Variants in CADPS2 observed in about 807,000 individuals in gnomAD.
CADPS2 encodes calcium dependent secretion activator 2.
Under a neutral mutation model 172.5 loss-of-function variants are expected in CADPS2, and 93 were observed. The observed-to-expected ratio is 0.54, with a 90% CI of 0.46 to 0.64. CADPS2 has a LOEUF of 0.64. Among genes scored for constraint, CADPS2 ranks in the 30% least tolerant of loss-of-function variants. The pLI, the probability that CADPS2 is intolerant of heterozygous loss-of-function variation, is 0.00. For missense variants in CADPS2, 1,420 were observed against 1,565.9 expected (o/e 0.91, Z 1.57); for synonymous variants, 546 against 555.2 (o/e 0.98, Z 0.23).
At chr7:122,433,036 C>T (rs1435629063) in intron 17 of CADPS2, among the ~76,000 whole-genome samples, 1 of 152,128 alleles carries the variant, frequency 6.6e-6, no homozygotes, top group Non-Finnish European at 1.5e-5. Context: ...TGCAGTGGCA[C>T]AATCATGGCT....
At chr7:122,746,633 A>G (rs992176425) in intron 1 of CADPS2, among the ~76,000 whole-genome samples, 3 of 45,514 alleles carry the variant, frequency 6.6e-5, no homozygotes, top group African/African-American at 3.2e-4. Context: ...ACACAGACAC[A>G]CACACACAGA....
intron 9 of CADPS2, among the ~76,000 whole-genome samples, chr7:122,512,061 C>G (rs947461324): frequency 6.6e-6 from 1 of 151,898 alleles, no homozygotes; most frequent in Non-Finnish European, 1.5e-5. Context: ...ACTATTAGTT[C>G]TAATCATGTA....
chr7:122,509,615 ATC>A (rs1281977946), intron 9 of CADPS2, among the ~76,000 whole-genome samples: 8 of 152,186 alleles, frequency 5.3e-5, no homozygotes, highest in Admixed American at 5.2e-4. Flanking sequence ...TTAATCACAT[ATC>A]TGTTTGTCTT....
intron 28 of CADPS2, among the ~76,000 whole-genome samples, chr7:122,343,808 A>C (rs1426018028): frequency 6.6e-6 from 1 of 152,222 alleles, no homozygotes; most frequent in Non-Finnish European, 1.5e-5. Context: ...GAAAAAGTAA[A>C]AGAGAACTTG....
At chr7:122,345,762 AT>A (rs1361786626) in intron 27 of CADPS2, 81 bp from the exon 28 acceptor site, 16 of 922,882 alleles carry the variant, frequency 1.7e-5, no homozygotes, top group Non-Finnish European at 3.3e-6. Flanking sequence ...ACCCTGAAAA[AT>A]AATTTTGAAA....
chr7:122,845,163 C>A (rs1463318442), intron 1 of CADPS2, among the ~76,000 whole-genome samples: 1 of 152,108 alleles, frequency 6.6e-6, no homozygotes, highest in South Asian at 2.1e-4. Flanking sequence ...CATAAAAGAT[C>A]TGAAGTAATA....
intron 1 of CADPS2, among the ~76,000 whole-genome samples, chr7:122,798,343 A>C (rs1381460822): frequency 1.3e-5 from 2 of 152,156 alleles, no homozygotes; most frequent in Non-Finnish European, 2.9e-5. Context: ...GAATGTTCAA[A>C]ATAAGTGTAT....
At chr7:122,487,373 T>G (rs1563481472) in intron 11 of CADPS2, among the ~76,000 whole-genome samples, 1 of 152,146 alleles carries the variant, frequency 6.6e-6, no homozygotes, top group Non-Finnish European at 1.5e-5. Flanking sequence ...ATTGAGATAT[T>G]CATCTTATTG....
intron 25 of CADPS2, among the ~76,000 whole-genome samples, chr7:122,365,958 C>T (rs938624517): frequency 3.9e-5 from 6 of 152,166 alleles, no homozygotes; most frequent in African/African-American, 1.4e-4. Flanking sequence ...TTAGCTGTGA[C>T]ACTTCATGAA....
Position 122,490,219 on chromosome 7 carries a change from T to C in CADPS2, c.1714A>G (p.Ser572Gly), listed in dbSNP as rs780466383. Residue 572 changes from serine (S) to glycine (G), a missense_variant, in exon 11 of 30, where the codon AGT becomes GGT. Transcript: ENST00000449022. ...AATATTCTGTCCTGTTCATCATCAC[T>C]GGCAAAGATTACAGTATCTCCTTCT... ...VKEGDTVIFA[S>G]DDEQDRILWV... is the part of the protein sequence containing the mutation. 7 of 1,613,258 alleles carry C rather than the reference T, an allele frequency of 4.3e-6. No individual in the cohort carries two copies. The highest frequency in any genetic ancestry group is 3.3e-5 in the Admixed American group (2 of 59,980).
intron 1 of CADPS2, among the ~76,000 whole-genome samples, chr7:122,836,287 C>T (rs1808383368): frequency 6.6e-6 from 1 of 152,028 alleles, no homozygotes; most frequent in Non-Finnish European, 1.5e-5. Context: ...AAGCACTAAA[C>T]ATGGAAAGGA....
chr7:122,790,093 T>C (rs978451099), intron 1 of CADPS2, among the ~76,000 whole-genome samples: 2 of 144,328 alleles, frequency 1.4e-5, no homozygotes, highest in Non-Finnish European at 3.0e-5. Flanking sequence ...AAAGATAAGA[T>C]TGTGAATTAA....
At chr7:122,522,750 C>T (rs77424772) in intron 8 of CADPS2, among the ~76,000 whole-genome samples, 3,116 of 151,248 alleles carry the variant, frequency 0.021, 100 homozygotes, top group African/African-American at 0.073. Flanking sequence ...CCTTCCCAGC[C>T]TCTGGTAATT....
In CADPS2 at chr7:122,319,307, AAC is replaced by A. The variant is rs1323023443; in HGVS notation, c.*856_*857del. Reference sequence around the variant, plus strand: ...ACAAACAAAAAACTCAAGAAACAAAAACACAGAGTCAGATAGTTGGGATGTTT... The same window carrying A: ...ACAAACAAAAAACTCAAGAAACAAAAACAGAGTCAGATAGTTGGGATGTTT... On this transcript the variant is annotated 3_prime_UTR_variant, in exon 30 of 30. Coordinates refer to ENST00000449022, the MANE Select transcript of CADPS2 (RefSeq NM_017954.11). The A allele has an allele frequency of 6.6e-6, 1 of 152,200 alleles. No individual in the cohort carries two copies. The highest frequency in any genetic ancestry group is 1.5e-5 in the Non-Finnish European group (1 of 68,026). 9.4% of individuals were successfully genotyped at this position (152,200 alleles called of 1,614,324 possible).
intron 1 of CADPS2, among the ~76,000 whole-genome samples, chr7:122,875,050 G>C (rs1820841134): frequency 6.6e-6 from 1 of 152,188 alleles, no homozygotes; most frequent in Non-Finnish European, 1.5e-5. Flanking sequence ...TCTTATTAAA[G>C]CATGGGACTA....
At chr7:122,563,499 G>GCAAATCACTT (rs767313374) in intron 7 of CADPS2, among the ~76,000 whole-genome samples, 4 of 151,994 alleles carry the variant, frequency 2.6e-5, no homozygotes, top group Admixed American at 6.6e-5. Flanking sequence ...ATATCTAGAG[G>GCAAATCACTT]CAAATCACTT....
At chr7:122,769,159 T>G (rs1363069919) in intron 1 of CADPS2, among the ~76,000 whole-genome samples, 2 of 152,188 alleles carry the variant, frequency 1.3e-5, no homozygotes, top group Non-Finnish European at 2.9e-5. Context: ...TCAAGACAAT[T>G]CAGCCTAGTT....
chr7:122,604,177 C>T (rs889202036), intron 6 of CADPS2, among the ~76,000 whole-genome samples: 1 of 152,030 alleles, frequency 6.6e-6, no homozygotes, highest in African/African-American at 2.4e-5. Flanking sequence ...TTTTTCAAAA[C>T]ATGAACTTAT....
intron 24 of CADPS2, among the ~76,000 whole-genome samples, chr7:122,381,029 AATTTTCTGAGC>A (rs1156429545): frequency 6.6e-6 from 1 of 152,076 alleles, no homozygotes; most frequent in Non-Finnish European, 1.5e-5. Context: ...AATTATTAAT[AATTTTCTGAGC>A]CAGACAGGTC....
Sources: allele counts gnomAD v4.1 joint callset (sites outside exome capture counted in the v4.1 genomes callset), GRCh38; gene constraint gnomAD v4.1.1; transcripts MANE v1.5; gene names NCBI Gene and HGNC (gene_info 2026-07-23, HGNC 2026-07-21).